Variants in TESK2 observed in about 807,000 individuals in gnomAD.
The protein encoded by TESK2 is testis associated actin remodelling kinase 2.
Under a neutral mutation model 57.1 loss-of-function variants are expected in TESK2, and 39 were observed. That is an observed-to-expected ratio of 0.68 (90% CI 0.53 to 0.89). The LOEUF is 0.89. Among genes scored for constraint, TESK2 ranks in the 40% least tolerant of loss-of-function variants. The pLI is 0.00. For missense variants in TESK2, 646 were observed against 732.1 expected, an observed-to-expected ratio of 0.88 and a Z score of 1.36; for synonymous variants, 249 against 267.9, an observed-to-expected ratio of 0.93 and a Z score of 0.69.
chr1:45,477,920 T>C (rs992148330), intron 1 of TESK2, among the ~76,000 whole-genome samples: 4 of 152,244 alleles, frequency 2.6e-5, no homozygotes, highest in Non-Finnish European at 4.4e-5. Flanking sequence ...TTCTAGCTCT[T>C]GTAGTAATCT....
chr1:45,421,582 G>A (rs948081638), intron 3 of TESK2, 143 bp downstream of exon 3: 11 of 1,151,988 alleles, frequency 9.5e-6, no homozygotes, highest in East Asian at 2.4e-5. Context: ...GGTAGAAAAC[G>A]ACCTAGAGTA....
intron 1 of TESK2, among the ~76,000 whole-genome samples, chr1:45,460,575 C>T (rs1000850066): frequency 1.3e-5 from 2 of 151,840 alleles, no homozygotes; most frequent in East Asian, 3.9e-4. Context: ...GGTGCAGGGG[C>T]TCATTCCTTT....
intron 2 of TESK2, among the ~76,000 whole-genome samples, chr1:45,422,888 G>A (rs1376093953): frequency 6.7e-6 from 1 of 148,728 alleles, no homozygotes; most frequent in African/African-American, 2.5e-5. Flanking sequence ...TCCTGCCTAA[G>A]CCTCCCGAGT....
intron 4 of TESK2, among the ~76,000 whole-genome samples, 179 bp downstream of exon 4, chr1:45,385,732 AT>A (rs1648866840): frequency 6.7e-6 from 1 of 149,370 alleles, no homozygotes; most frequent in African/African-American, 2.5e-5. Context: ...ATATATATAT[AT>A]ATAAAGAAAT....
intron 3 of TESK2, among the ~76,000 whole-genome samples, chr1:45,420,166 G>T (rs1434995960): frequency 6.6e-6 from 1 of 152,156 alleles, no homozygotes; most frequent in East Asian, 1.9e-4. Context: ...GCCAGGTGTG[G>T]TGGATCACAC....
At chr1:45,348,866 C>T (rs760329271) in intron 5 of TESK2, among the ~76,000 whole-genome samples, 3 of 152,114 alleles carry the variant, frequency 2.0e-5, no homozygotes, top group Non-Finnish European at 4.4e-5. Flanking sequence ...CTTCCTTCCT[C>T]ACAGCTTTCA....
At chr1:45,353,024 G>C (rs533536273) in intron 5 of TESK2, among the ~76,000 whole-genome samples, 1 of 151,854 alleles carries the variant, frequency 6.6e-6, no homozygotes, top group Admixed American at 6.6e-5. Flanking sequence ...TCAGCCTCCC[G>C]AGTAGCTGGG....
chr1:45,383,984 C>T (rs1462560508), intron 4 of TESK2, among the ~76,000 whole-genome samples: 1 of 151,968 alleles, frequency 6.6e-6, no homozygotes. Flanking sequence ...GGACTAAGTA[C>T]AAAATGAAAA....
intron 2 of TESK2, among the ~76,000 whole-genome samples, chr1:45,433,356 G>A (rs1651061812): frequency 6.6e-6 from 1 of 151,964 alleles, no homozygotes; most frequent in Non-Finnish European, 1.5e-5. Flanking sequence ...TGAGATTACA[G>A]GCATGAGACA....
At chr1:45,367,631 G>T (rs1410097180) in intron 4 of TESK2, among the ~76,000 whole-genome samples, 1 of 150,432 alleles carries the variant, frequency 6.6e-6, no homozygotes, top group African/African-American at 2.4e-5. Context: ...TTACAGGCGT[G>T]AGCCACTGCA....
chr1:45,384,369 A>G (rs1270188186), intron 4 of TESK2, among the ~76,000 whole-genome samples: 254 of 134,744 alleles, frequency 1.9e-3, no homozygotes, highest in South Asian at 3.0e-3. Flanking sequence ...GTACGTATCT[A>G]TCTATCTATC....
rs773327259 is a variant in TESK2 at position 45,347,929 on chromosome 1, G to GA, written c.611dup (p.Asp206ArgfsTer7). On this transcript the variant is annotated frameshift_variant, in exon 6 of 11. Transcript: ENST00000372086. LOFTEE classifies it high-confidence loss of function. ...GTAGGGCTACACACCTGACATCGGG[G>GA]ATCTTCTCAGCCAGGCCAAAGTCAG... The GA allele has an allele frequency of 3.1e-6, 5 of 1,612,666 alleles. No homozygotes were observed. The highest frequency in any genetic ancestry group is 4.2e-6 in the Non-Finnish European group (5 of 1,178,656).
At chr1:45,361,490 TC>T (rs1647683408) in intron 4 of TESK2, among the ~76,000 whole-genome samples, 1 of 152,248 alleles carries the variant, frequency 6.6e-6, no homozygotes, top group South Asian at 2.1e-4. Context: ...GTTACCTTTT[TC>T]TATACCAACT....
At chr1:45,463,317 G>A (rs1424306184) in intron 1 of TESK2, among the ~76,000 whole-genome samples, 2 of 152,176 alleles carry the variant, frequency 1.3e-5, no homozygotes, top group East Asian at 3.8e-4. Context: ...CCAAACCAAT[G>A]TCCTGGAAAG....
chr1:45,423,966 G>A (rs1434738242), intron 2 of TESK2, among the ~76,000 whole-genome samples: 3 of 152,184 alleles, frequency 2.0e-5, no homozygotes, highest in African/African-American at 7.2e-5. Context: ...ACTGAGATAT[G>A]TGTGTTTCCT....
chr1:45,427,393 G>C (rs1650743977), intron 2 of TESK2, among the ~76,000 whole-genome samples: 1 of 152,136 alleles, frequency 6.6e-6, no homozygotes, highest in South Asian at 2.1e-4. Flanking sequence ...ATATGATCCA[G>C]CAATCCCACT....
rs138721829 is a variant in TESK2 at position 45,364,104 on chromosome 1, G to A, written c.394-8655C>T. On this transcript the variant is annotated intron_variant, in intron 4 of 10. Coordinates refer to ENST00000372086, the MANE Select transcript of TESK2 (RefSeq NM_007170.3). Reference sequence around the variant, plus strand: ...ACAGTTAATTCAGCAGACCACAGGGGCCACTGAAGGTTTATAGGTAAAGGT... The same window carrying A: ...ACAGTTAATTCAGCAGACCACAGGGACCACTGAAGGTTTATAGGTAAAGGT... Among the ~76,000 whole-genome samples the A allele has an allele frequency of 1.9e-3, 290 of 152,248 alleles. 1 individual carries two copies. Among genetic ancestry groups the A allele is most frequent in the African/African-American group, 6.4e-3 (268 of 41,552 alleles).
At chr1:45,422,958 C>T (rs1266464491) in intron 2 of TESK2, among the ~76,000 whole-genome samples, 3 of 151,612 alleles carry the variant, frequency 2.0e-5, no homozygotes, top group Admixed American at 2.0e-4. Flanking sequence ...TTAGTAGAGA[C>T]GGGGTTTCAC....
chr1:45,443,532 T>C (rs977930571), intron 2 of TESK2, among the ~76,000 whole-genome samples: 19 of 126,692 alleles, frequency 1.5e-4, no homozygotes, highest in Non-Finnish European at 3.1e-5. Context: ...ATCACGCCAC[T>C]GTACTCCAGC....
Sources: gnomAD v4.1 joint callset for allele counts (sites outside exome capture counted in the v4.1 genomes callset) on GRCh38, gnomAD v4.1.1 for gene constraint, MANE v1.5 for transcripts, NCBI Gene and HGNC (gene_info 2026-07-23, HGNC 2026-07-21) for gene names.